The following DNAH8 variants were observed in gnomAD, a reference collection of about 807,000 sequenced individuals.
The protein encoded by DNAH8 is dynein axonemal heavy chain 8.
In DNAH8, 382 loss-of-function variants were observed where a neutral mutation model predicts 562.1. That is an observed-to-expected ratio of 0.68 (90% CI 0.63 to 0.74). The LOEUF (loss-of-function observed/expected upper bound fraction) is 0.74. Ranked by LOEUF, DNAH8 falls within the 30% of genes least tolerant of loss-of-function variation. The pLI, the probability that DNAH8 is intolerant of heterozygous loss-of-function variation, is 0.00. For missense variants in DNAH8, 5,203 were observed against 5,620.4 expected (o/e 0.93, Z 2.37); for synonymous variants, 1,881 against 1,919.4 (o/e 0.98, Z 0.52).
chr6:38,788,202 A>C (rs1423938925), intron 18 of DNAH8, among the ~76,000 whole-genome samples: 1 of 150,892 alleles, frequency 6.6e-6, no homozygotes, highest in Non-Finnish European at 1.5e-5. Flanking sequence ...GCCAGGCTGG[A>C]GTGCAGAGGC....
rs78724718 is a variant in DNAH8, at chr6:38,956,479, T to G, written c.12451+4959T>G. ...CACACTCCCATCTGAACCAATGAGG[T>G]GGGCTTGCCAGCTCTGCCCCACGTC... On this transcript the variant is annotated intron_variant, in intron 82 of 92. Transcript: ENST00000327475. Among the ~76,000 whole-genome samples the G allele has an allele frequency of 0.011, 1,685 of 152,184 alleles. 106 individuals carry two copies. The East Asian group carries it at 0.16, about 14-fold the overall frequency.
chr6:38,847,351 C>T (rs1583171936), intron 36 of DNAH8, among the ~76,000 whole-genome samples: 1 of 151,846 alleles, frequency 6.6e-6, no homozygotes, highest in East Asian at 1.9e-4. Context: ...TTTGGCCTAT[C>T]TAGTTGCTTC....
chr6:38,817,858 A>C (rs1391628510), intron 26 of DNAH8, among the ~76,000 whole-genome samples: 3 of 152,220 alleles, frequency 2.0e-5, no homozygotes, highest in Admixed American at 6.5e-5. Context: ...TCAAGGGCTG[A>C]TCATGATCTT....
chr6:38,969,136 G>A (rs913078982), intron 82 of DNAH8, among the ~76,000 whole-genome samples: 2 of 152,046 alleles, frequency 1.3e-5, no homozygotes, highest in Non-Finnish European at 2.9e-5. Context: ...CTGCTAATGG[G>A]TATGGGGTTT....
intron 70 of DNAH8, among the ~76,000 whole-genome samples, chr6:38,920,094 G>A (rs1343413313): frequency 1.3e-5 from 2 of 152,138 alleles, no homozygotes; most frequent in Admixed American, 6.5e-5. Flanking sequence ...AATTCTAGAT[G>A]TGAAGATTTA....
In DNAH8 at chr6:38,863,871, A is replaced by G. The variant is rs1364643153; in HGVS notation, c.6311-2A>G. 10 of 1,572,252 alleles carry G rather than the reference A, an allele frequency of 6.4e-6. No homozygotes were observed. Among genetic ancestry groups the G allele is most frequent in the East Asian group, 4.5e-5 (2 of 44,492 alleles). On this transcript the variant is annotated splice_acceptor_variant, in intron 44 of 92. Coordinates refer to ENST00000327475, the MANE Select transcript of DNAH8 (RefSeq NM_001206927.2). LOFTEE classifies it high-confidence loss of function. Reference sequence around the variant, plus strand: ...TTACAAATTAACTGTTTTTCATGCCAGGTCTTGCACAGTCGGGTTCCTGGG... The same window carrying G: ...TTACAAATTAACTGTTTTTCATGCCGGGTCTTGCACAGTCGGGTTCCTGGG...
At position 38,973,659 on chromosome 6, in the gene DNAH8, A is replaced by AG. The variant is rs1299196993; in HGVS notation, c.12527dup. On this transcript the variant is annotated splice_acceptor_variant, in intron 83 of 92. Transcript: ENST00000327475. LOFTEE classifies it high-confidence loss of function. ...TAAATATGAACTTATTTTTGGATACAGGGTGGTTGGGTATTACTACAAAAT... is the reference window on the plus strand; with the variant it reads ...TAAATATGAACTTATTTTTGGATACAGGGGTGGTTGGGTATTACTACAAAAT... 6 of 1,575,432 alleles carry AG rather than the reference A, an allele frequency of 3.8e-6. No individual in the cohort carries two copies. The highest frequency in any genetic ancestry group is 4.0e-5 in the Admixed American group (2 of 50,180).
chr6:38,930,047 TTA>T (rs1376301203), intron 75 of DNAH8, among the ~76,000 whole-genome samples: 2 of 152,136 alleles, frequency 1.3e-5, no homozygotes, highest in Non-Finnish European at 2.9e-5. Flanking sequence ...TTTGCAAGCC[TTA>T]TATATATACA....
At chr6:38,810,298 A>G (rs1443453272) in intron 24 of DNAH8, among the ~76,000 whole-genome samples, 1 of 152,160 alleles carries the variant, frequency 6.6e-6, no homozygotes, top group Non-Finnish European at 1.5e-5. Flanking sequence ...TGCTCCAACT[A>G]AAAGAAGTAC....
chr6:38,919,594 A>G (rs1229670264), intron 70 of DNAH8, among the ~76,000 whole-genome samples: 1 of 152,230 alleles, frequency 6.6e-6, no homozygotes, highest in African/African-American at 2.4e-5. Flanking sequence ...ACATGAAATT[A>G]TTTCTAGAGT....
intron 85 of DNAH8, among the ~76,000 whole-genome samples, chr6:38,980,385 C>A (rs1343348884): frequency 6.6e-6 from 1 of 152,126 alleles, no homozygotes; most frequent in African/African-American, 2.4e-5. Context: ...TCAAGAGAAG[C>A]AATGTTAGGG....
In DNAH8 at chr6:38,863,916, C is replaced by G; in HGVS notation, c.6354C>G (p.Asn2118Lys). Residue 2118 changes from asparagine (N) to lysine (K), a missense_variant, in exon 45 of 93, where the codon AAC becomes AAG. By Grantham distance (94) the Asn-to-Lys change is moderately conservative (BLOSUM62 0). This residue lies in a region of DNAH8 where 2,176 missense variants were observed against 2,365.1 expected (regional missense o/e 0.92). Coordinates refer to ENST00000327475, the MANE Select transcript of DNAH8 (RefSeq NM_001206927.2). ...SGSWGCFDEF[N>K]RIELPVLSVA... Reference sequence around the variant, plus strand: ...CCTGGGGCTGTTTTGATGAGTTTAACAGAATTGAATTGCCTGTATTATCAG... The same window carrying G: ...CCTGGGGCTGTTTTGATGAGTTTAAGAGAATTGAATTGCCTGTATTATCAG... 6.2e-7 allele frequency: 1 copy of G among 1,609,592 alleles called. No individual in the cohort carries two copies. The highest frequency in any genetic ancestry group is 8.5e-7 in the Non-Finnish European group (1 of 1,179,096).
intron 65 of DNAH8, 57 bp from the exon 66 acceptor site, chr6:38,911,411 C>T (rs971189185): frequency 6.4e-6 from 8 of 1,242,194 alleles, no homozygotes; most frequent in South Asian, 1.2e-5. Flanking sequence ...GGAAAGGTGT[C>T]GTTTTATGGG....
intron 9 of DNAH8, among the ~76,000 whole-genome samples, chr6:38,752,285 T>C (rs1473986573): frequency 6.6e-6 from 1 of 151,058 alleles, no homozygotes; most frequent in Admixed American, 6.6e-5. Flanking sequence ...TGATTCAGCC[T>C]CCTGAGTAGC....
chr6:38,862,602 T>C, intron 44 of DNAH8, 144 bp downstream of exon 44: 2 of 969,288 alleles, frequency 2.1e-6, no homozygotes, highest in Non-Finnish European at 3.0e-6. Context: ...GCCATTTTTC[T>C]AGGTCAAAAA....
At chr6:38,884,122 C>T in intron 56 of DNAH8, 124 bp downstream of exon 56, 2 of 532,904 alleles carry the variant, frequency 3.8e-6, no homozygotes, top group Non-Finnish European at 5.2e-6. Context: ...TGCCAATCCT[C>T]AGTCTTTTTC....
chr6:38,806,329 A>C (rs1771269488), intron 23 of DNAH8, among the ~76,000 whole-genome samples: 1 of 151,902 alleles, frequency 6.6e-6, no homozygotes. Context: ...TTCCACTTTC[A>C]CCTTCTTGCT....
chr6:38,946,119 A>C lies in DNAH8; in HGVS notation c.12129+531A>C, dbSNP rs139617637. 2.1e-4 allele frequency among the ~76,000 whole-genome samples: 32 copies of C among 152,160 alleles called. No individual in the cohort carries two copies. In the East Asian group the frequency reaches 6.2e-3, roughly 29 times the overall value. ...GTTGAGTCAATTGTTACTGGAAAAC[A>C]ATCATGAGACTCAGAATAAAGATAG... On this transcript the variant is annotated intron_variant, in intron 80 of 92. Coordinates refer to ENST00000327475, the MANE Select transcript of DNAH8 (RefSeq NM_001206927.2).
At chr6:38,833,917 A>G (rs1293887973) in intron 31 of DNAH8, among the ~76,000 whole-genome samples, 2 of 152,064 alleles carry the variant, frequency 1.3e-5, no homozygotes, top group Non-Finnish European at 2.9e-5. Context: ...AATAGCCTTC[A>G]TTTTTCCATT....
Sources: gnomAD v4.1 joint callset for allele counts (sites outside exome capture counted in the v4.1 genomes callset) on GRCh38, gnomAD v4.1.1 for gene constraint, gnomAD v4.1.1 regional missense constraint, MANE v1.5 for transcripts, NCBI Gene and HGNC (gene_info 2026-07-23, HGNC 2026-07-21) for gene names.